Variants in NFXL1 observed in about 807,000 individuals in gnomAD.
NFXL1 encodes NF-X1-type zinc finger protein NFXL1.
In NFXL1, 66 loss-of-function variants were observed where a neutral mutation model predicts 123.3. The ratio of observed to expected loss-of-function variants is 0.54; its 90% CI spans 0.44 to 0.66. The LOEUF is 0.66. Among genes scored for constraint, NFXL1 ranks in the 30% least tolerant of loss-of-function variants. The pLI is 0.00. For missense variants in NFXL1, 944 were observed against 1,125.6 expected, an observed-to-expected ratio of 0.84 and a Z score of 2.31; for synonymous variants, 346 against 360.8, an observed-to-expected ratio of 0.96 and a Z score of 0.46.
chr4:47,855,774 ATAT>A (rs1353342868), intron 19 of NFXL1, among the ~76,000 whole-genome samples: 2 of 152,152 alleles, frequency 1.3e-5, no homozygotes, highest in African/African-American at 2.4e-5. Flanking sequence ...TATTAAAAAA[ATAT>A]TATTTAGGTA....
chr4:47,891,106 CTTTTTT>C (rs1180771082), intron 11 of NFXL1, among the ~76,000 whole-genome samples: 2 of 133,236 alleles, frequency 1.5e-5, no homozygotes, highest in African/African-American at 5.1e-5. Context: ...TTTTCTTTTT[CTTTTTT>C]TCTTTTTTTT....
At chr4:47,889,636 C>CAG (rs1560597017) in intron 12 of NFXL1, among the ~76,000 whole-genome samples, 1 of 152,148 alleles carries the variant, frequency 6.6e-6, no homozygotes. Flanking sequence ...GGCTTAAATC[C>CAG]AGGATTTCTT....
intron 8 of NFXL1, among the ~76,000 whole-genome samples, chr4:47,898,549 GCTGT>G (rs1737224484): frequency 6.6e-6 from 1 of 152,062 alleles, no homozygotes; most frequent in Non-Finnish European, 1.5e-5. Context: ...TCAACAAATA[GCTGT>G]TACTTTGAAA....
At chr4:47,903,891 AT>A (rs1279536920) in intron 4 of NFXL1, among the ~76,000 whole-genome samples, 1 of 152,244 alleles carries the variant, frequency 6.6e-6, no homozygotes, top group African/African-American at 2.4e-5. Context: ...AATATACATA[AT>A]TTAAAAGCTT....
intron 19 of NFXL1, among the ~76,000 whole-genome samples, chr4:47,861,035 T>C (rs1734736075): frequency 6.7e-6 from 1 of 150,038 alleles, no homozygotes. Context: ...TTTTTTTGTA[T>C]TTTTTAGTAG....
intron 11 of NFXL1, among the ~76,000 whole-genome samples, chr4:47,891,557 T>C (rs1441783056): frequency 6.6e-6 from 1 of 152,088 alleles, no homozygotes. Flanking sequence ...CTATGACCTG[T>C]CCTAATTTTT....
intron 19 of NFXL1, among the ~76,000 whole-genome samples, chr4:47,858,053 C>T (rs1267325876): frequency 6.6e-6 from 1 of 152,154 alleles, no homozygotes. Flanking sequence ...AAAACTGAAA[C>T]TCATCTAGGT....
At chr4:47,852,369 C>T (rs964364586) in intron 20 of NFXL1, among the ~76,000 whole-genome samples, 1 of 152,116 alleles carries the variant, frequency 6.6e-6, no homozygotes, top group Admixed American at 6.6e-5. Flanking sequence ...GCACTAGCCA[C>T]ATATGGCTAC....
intron 19 of NFXL1, among the ~76,000 whole-genome samples, chr4:47,862,425 C>T (rs1015741389): frequency 5.3e-5 from 8 of 152,274 alleles, no homozygotes; most frequent in Admixed American, 4.6e-4. Flanking sequence ...TAGCCATCCT[C>T]GCACATTATT....
intron 4 of NFXL1, among the ~76,000 whole-genome samples, chr4:47,904,349 AC>A (rs1560604497): frequency 6.6e-6 from 1 of 152,166 alleles, no homozygotes; most frequent in Non-Finnish European, 1.5e-5. Context: ...TCTGCACTAT[AC>A]CCATGTACTA....
chr4:47,848,180 T>TGA lies in NFXL1; in HGVS notation c.2717_2718dup (p.Thr907SerfsTer15). On this transcript the variant is annotated frameshift_variant, in exon 23 of 23. Transcript: ENST00000507489. LOFTEE classifies it high-confidence loss of function. ...AACTTTTTTTAATTGACATCATGGG[T>TGA]GATGTACCAGGCAAACACTACAACC... 1.9e-6 allele frequency: 3 copies of TGA among 1,593,056 alleles called. No individual in the cohort carries two copies. Among genetic ancestry groups the TGA allele is most frequent in the Non-Finnish European group, 2.6e-6 (3 of 1,167,546 alleles).
intron 11 of NFXL1, 108 bp from the exon 12 acceptor site, chr4:47,890,811 C>CTA: frequency 1.6e-6 from 1 of 609,664 alleles, no homozygotes; most frequent in Non-Finnish European, 2.9e-6. Flanking sequence ...ACACTTTTCA[C>CTA]TAAAAGAAGT....
At chr4:47,908,377 T>C (rs1001171291) in intron 3 of NFXL1, among the ~76,000 whole-genome samples, 1 of 150,808 alleles carries the variant, frequency 6.6e-6, no homozygotes, top group African/African-American at 2.4e-5. Flanking sequence ...GGAGCTATGA[T>C]CACATCACTG....
chr4:47,860,692 A>C (rs1734715233), intron 19 of NFXL1, among the ~76,000 whole-genome samples: 1 of 152,226 alleles, frequency 6.6e-6, no homozygotes, highest in Admixed American at 6.5e-5. Context: ...TTAACTTTGA[A>C]GTACAAAGAT....
rs1317110729 is a variant in NFXL1 at position 47,862,848 on chromosome 4, C to G, written c.2314G>C (p.Glu772Gln). The change falls in exon 19 of 23, where the codon GAG becomes CAG. Residue 772 changes from glutamate to glutamine, a missense_variant and splice_region_variant. Physicochemically the swap from Glu to Gln is conservative, Grantham distance 29. Around this residue, in one of 4 missense-constraint regions of NFXL1, gnomAD observed 301 missense variants for 348.0 expected, o/e 0.86. Transcript: ENST00000507489. ...LSCCKNQCPKELPCGHRCKEM... is the reference protein window; with the variant it reads ...LSCCKNQCPKQLPCGHRCKEM... ...TAAAAGGTTCTACTAAAGCTTACCTCTTTAGGGCACTGATTTTTGCAACAA... is the reference window on the plus strand; with the variant it reads ...TAAAAGGTTCTACTAAAGCTTACCTGTTTAGGGCACTGATTTTTGCAACAA... 6.5e-7 allele frequency: 1 copy of G among 1,538,632 alleles called. No homozygotes were observed. Among genetic ancestry groups the G allele is most frequent in the Non-Finnish European group, 8.9e-7 (1 of 1,127,610 alleles).
At chr4:47,882,720 ATTGT>A (rs138475806) in intron 15 of NFXL1, among the ~76,000 whole-genome samples, 52,601 of 151,454 alleles carry the variant, frequency 0.35, 9,477 homozygotes, top group East Asian at 0.59. Flanking sequence ...TCATTTTCAG[ATTGT>A]TTGTTTCCAG....
Position 47,898,793 on chromosome 4 carries a change from T to C in NFXL1, c.1053A>G (p.Glu351=). 1 of 1,613,858 alleles carries C rather than the reference T, an allele frequency of 6.2e-7. No homozygotes were observed. Among genetic ancestry groups the C allele is most frequent in the Non-Finnish European group, 8.5e-7 (1 of 1,179,766 alleles). The change falls in exon 8 of 23, where the codon GAA becomes GAG. Residue 351 remains glutamate (E), a synonymous_variant. Coordinates refer to ENST00000507489, the MANE Select transcript of NFXL1 (RefSeq NM_001278624.2). ...GCCATAGTGGACTTGCACAACTTCT[T>C]TCAGCTACTTTTTTGCCACAGACAC... ...QKCVCGKKVA[E]RSCASPLWHC...
chr4:47,872,153 AT>A (rs942029605), intron 18 of NFXL1, among the ~76,000 whole-genome samples: 1 of 152,210 alleles, frequency 6.6e-6, no homozygotes, highest in Non-Finnish European at 1.5e-5. Flanking sequence ...TACCTTTTAA[AT>A]CTATAACTTA....
At chr4:47,893,331 T>C (rs941015277) in intron 11 of NFXL1, among the ~76,000 whole-genome samples, 7 of 151,790 alleles carry the variant, frequency 4.6e-5, no homozygotes, top group Admixed American at 2.0e-4. Flanking sequence ...ACTATAAACC[T>C]ACAGATCTAA....
Sources: allele counts gnomAD v4.1 joint callset (sites outside exome capture counted in the v4.1 genomes callset), GRCh38; gene constraint gnomAD v4.1.1; regional missense constraint gnomAD v4.1.1; transcripts MANE v1.5; gene names NCBI Gene and HGNC (gene_info 2026-07-23, HGNC 2026-07-21).